Variants in FLT3 observed in about 807,000 individuals in gnomAD.
FLT3 encodes receptor-type tyrosine-protein kinase FLT3.
In FLT3, 46 loss-of-function variants were observed where a neutral mutation model predicts 126.6. That is an observed-to-expected ratio of 0.36 (90% CI 0.29 to 0.46). FLT3 has a LOEUF of 0.46. Ranked by LOEUF, FLT3 falls within the 20% of genes least tolerant of loss-of-function variation. The pLI, the probability that FLT3 is intolerant of heterozygous loss-of-function variation, is 1.00. For synonymous variants in FLT3, 404 were observed against 434.4 expected (o/e 0.93, Z 0.87); for missense variants, 1,069 against 1,190.3 (o/e 0.90, Z 1.50).
At chr13:28,041,719 G>T (rs1355665420) in intron 9 of FLT3, among the ~76,000 whole-genome samples, 2 of 152,212 alleles carry the variant, frequency 1.3e-5, no homozygotes, top group Non-Finnish European at 2.9e-5. Context: ...TAGGCTGATT[G>T]GGAGATGCAA....
At chr13:28,072,387 C>T (rs1241463868) in intron 1 of FLT3, among the ~76,000 whole-genome samples, 3 of 151,898 alleles carry the variant, frequency 2.0e-5, no homozygotes, top group Non-Finnish European at 2.9e-5. Context: ...TACTCTCTCT[C>T]GCTCTCTCTC....
Position 28,024,863 on chromosome 13 carries a change from T to C in FLT3, c.2288A>G (p.Glu763Gly). The C allele has an allele frequency of 6.3e-7, 1 of 1,592,496 alleles. No homozygotes were observed. Among genetic ancestry groups the C allele is most frequent in the South Asian group, 1.1e-5 (1 of 88,852 alleles). The change falls in exon 18 of 24, where the codon GAA becomes GGA. Residue 763 changes from glutamate to glycine, a missense_variant and splice_region_variant. Transcript: ENST00000241453. ...SGLHGNSFHSEDEIEYENQKR... is the reference protein window; with the variant it reads ...SGLHGNSFHSGDEIEYENQKR... ...TACTACTTAGAATAAAATATTACCT[T>C]CAGAGTGAAATGAATTCCCATGAAG...
At chr13:28,050,541 TAA>T in intron 5 of FLT3, among the ~76,000 whole-genome samples, 2 of 151,278 alleles carry the variant, frequency 1.3e-5, no homozygotes, top group East Asian at 3.9e-4. Context: ...AGAAAGAAGA[TAA>T]AGGAAAAAAA....
At chr13:28,099,838 G>C (rs2137842646) in intron 1 of FLT3, among the ~76,000 whole-genome samples, 1 of 152,274 alleles carries the variant, frequency 6.6e-6, no homozygotes, top group African/African-American at 2.4e-5. Flanking sequence ...TAGAAGAAAG[G>C]GACAGCTAGT....
At chr13:28,053,875 C>T (rs1013093406) in intron 4 of FLT3, among the ~76,000 whole-genome samples, 6 of 151,604 alleles carry the variant, frequency 4.0e-5, no homozygotes, top group Non-Finnish European at 5.9e-5. Flanking sequence ...GTGTGTGAGA[C>T]AGGGTCTCTG....
intron 19 of FLT3, among the ~76,000 whole-genome samples, chr13:28,022,290 T>C (rs1872463286): frequency 6.6e-6 from 1 of 152,096 alleles, no homozygotes; most frequent in Admixed American, 6.5e-5. Flanking sequence ...GGCAGGTGGA[T>C]TGCTTGAGCT....
chr13:28,048,910 T>C (rs1370577511), intron 8 of FLT3, among the ~76,000 whole-genome samples: 2 of 152,244 alleles, frequency 1.3e-5, no homozygotes, highest in Non-Finnish European at 2.9e-5. Flanking sequence ...TCTGAGATTA[T>C]TGAACTGTGG....
intron 9 of FLT3, among the ~76,000 whole-genome samples, chr13:28,038,512 G>C (rs1874046990): frequency 6.6e-6 from 1 of 151,144 alleles, no homozygotes; most frequent in African/African-American, 2.4e-5. Context: ...GAGTGCAGTG[G>C]CGCTATCTCG....
At chr13:28,010,019 C>T (rs1046524231) in intron 23 of FLT3, among the ~76,000 whole-genome samples, 1 of 152,140 alleles carries the variant, frequency 6.6e-6, no homozygotes, top group Admixed American at 6.5e-5. Context: ...GCTCCCTCAG[C>T]GTGCCCATCC....
intron 1 of FLT3, among the ~76,000 whole-genome samples, chr13:28,077,899 A>G (rs1878065372): frequency 6.6e-6 from 1 of 152,226 alleles, no homozygotes; most frequent in Admixed American, 6.5e-5. Context: ...TACAGGGCCT[A>G]TGCAAGTCTG....
intron 18 of FLT3, 104 bp from the exon 19 acceptor site, chr13:28,023,581 G>T: frequency 1.6e-6 from 2 of 1,234,388 alleles, no homozygotes; most frequent in Non-Finnish European, 2.3e-6. Context: ...GAGGTGCTAA[G>T]ACATGAAGCT....
In FLT3 at chr13:28,003,276, T is replaced by G. The variant is rs1870602921; in HGVS notation, c.*776A>C. ...AATAAAAATAAAATGAAGGGGACTG[T>G]GGGGACAAGAGTAACTTTATTGAAA... is the stretch of plus-strand genomic sequence containing the variant. On this transcript the variant is annotated 3_prime_UTR_variant, in exon 24 of 24. Transcript: ENST00000241453. 4.3e-6 allele frequency: 1 copy of G among 232,410 alleles called. No individual in the cohort carries two copies. Among genetic ancestry groups the G allele is most frequent in the Admixed American group, 5.6e-5 (1 of 17,746 alleles). The allele number at this position is 232,410 out of a possible 1,614,324, so 14.4% of individuals were successfully genotyped here. A position where few individuals can be genotyped will look rare whatever the true frequency, so the allele number is the denominator to read the frequency against.
At chr13:28,009,866 T>C (rs1871214763) in intron 23 of FLT3, among the ~76,000 whole-genome samples, 1 of 152,108 alleles carries the variant, frequency 6.6e-6, no homozygotes, top group South Asian at 2.1e-4. Context: ...TTGGCCTCCC[T>C]TCTCTTAAAA....
chr13:28,078,622 C>T (rs1878114666), intron 1 of FLT3, among the ~76,000 whole-genome samples: 3 of 152,176 alleles, frequency 2.0e-5, no homozygotes, highest in Admixed American at 2.0e-4. Context: ...GACATTTTCC[C>T]CATGGTCTTG....
chr13:28,061,780 AAAG>A (rs1876586837), intron 3 of FLT3, 84 bp downstream of exon 3: 23 of 1,069,308 alleles, frequency 2.2e-5, no homozygotes, highest in Admixed American at 4.3e-5. Context: ...CACAAAAAAA[AAAG>A]GTTTACAATA....
intron 8 of FLT3, among the ~76,000 whole-genome samples, chr13:28,049,067 G>C (rs1157218020): frequency 6.6e-6 from 1 of 152,120 alleles, no homozygotes; most frequent in Non-Finnish European, 1.5e-5. Flanking sequence ...TCTGTGTCAG[G>C]TTCTGGAACT....
intron 9 of FLT3, among the ~76,000 whole-genome samples, chr13:28,047,090 T>C (rs921601454): frequency 1.3e-5 from 2 of 151,996 alleles, no homozygotes; most frequent in African/African-American, 4.8e-5. Context: ...TCACCAAAGG[T>C]TCTCATTAAA....
intron 23 of FLT3, among the ~76,000 whole-genome samples, chr13:28,011,867 G>A (rs1054834159): frequency 1.4e-4 from 21 of 150,660 alleles, no homozygotes; most frequent in Non-Finnish European, 2.8e-4. Context: ...GTGCCATCTC[G>A]GCTCACTGCA....
At position 28,035,566 on chromosome 13, in the gene FLT3, C is replaced by A. The variant is rs1566072436; in HGVS notation, c.1526G>T (p.Gly509Val). ...GTATGCACAGCACTTGACCAGGAAC[C>A]CTTTTATGGCTTCACTCATGTTTAG... ...STLNMSEAIK[G>V]FLVKCCAYNS... is the part of the protein sequence containing the mutation. Residue 509 changes from glycine (G) to valine (V), a missense_variant, in exon 12 of 24, where the codon GGG (glycine) becomes GTG (valine). Coordinates refer to ENST00000241453, the MANE Select transcript of FLT3 (RefSeq NM_004119.3). 3 of 1,614,006 alleles carry A rather than the reference C, an allele frequency of 1.9e-6. No homozygotes were observed. Among genetic ancestry groups the A allele is most frequent in the Non-Finnish European group, 2.5e-6 (3 of 1,180,030 alleles).
Sources: allele counts gnomAD v4.1 joint callset (sites outside exome capture counted in the v4.1 genomes callset), GRCh38; gene constraint gnomAD v4.1.1; transcripts MANE v1.5; gene names NCBI Gene and HGNC (gene_info 2026-07-23, HGNC 2026-07-21).